The following CALN1 variants were observed in gnomAD, a reference collection of about 807,000 sequenced individuals.
The protein encoded by CALN1 is calneuron 1, also known as calcium-binding protein 8.
CALN1 carries 17 observed loss-of-function variants against 30.6 expected under a neutral mutation model. That is an observed-to-expected ratio of 0.56 (90% CI 0.38 to 0.83). CALN1 has a LOEUF of 0.83. CALN1 is among the 40% of genes least tolerant of loss of function. The pLI, the probability that CALN1 is intolerant of heterozygous loss-of-function variation, is 0.00. For missense variants in CALN1, 291 were observed against 354.9 expected (o/e 0.82, Z 1.45); for synonymous variants, 156 against 131.4 (o/e 1.19, Z -1.28).
intron 4 of CALN1, among the ~76,000 whole-genome samples, chr7:72,073,514 C>T (rs1804537143): frequency 6.6e-6 from 1 of 152,152 alleles, no homozygotes; most frequent in Non-Finnish European, 1.5e-5. Flanking sequence ...CCTACAATTT[C>T]AGACTACAAG....
At chr7:72,053,714 T>C (rs1802988907) in intron 4 of CALN1, among the ~76,000 whole-genome samples, 1 of 152,138 alleles carries the variant, frequency 6.6e-6, no homozygotes, top group Non-Finnish European at 1.5e-5. Context: ...TTTTAGAGAT[T>C]TGTGAGAACA....
At chr7:71,917,443 T>C (rs1319932862) in intron 5 of CALN1, among the ~76,000 whole-genome samples, 1 of 152,176 alleles carries the variant, frequency 6.6e-6, no homozygotes, top group Non-Finnish European at 1.5e-5. Context: ...GCATACGAAA[T>C]GGTAACTATA....
At chr7:72,476,762 C>CCAGG in the CALN1 span, among the ~76,000 whole-genome samples, 4 of 152,198 alleles carry the variant, frequency 2.6e-5, no homozygotes, top group African/African-American at 9.7e-5. Flanking sequence ...CTACCACGTG[C>CCAGG]CAGGCACTGT....
At chr7:72,346,290 CA>C (rs1430749270) in intron 2 of CALN1, among the ~76,000 whole-genome samples, 1 of 152,072 alleles carries the variant, frequency 6.6e-6, no homozygotes, top group Non-Finnish European at 1.5e-5. Context: ...TCCTTTTTCC[CA>C]AAGATAACCA....
Position 71,846,529 on chromosome 7 carries a change from C to T in CALN1, c.502-36037G>A, listed in dbSNP as rs114182688. ...ATAAAAATATGTGTGTGTATGTGTG[C>T]GCGTGCGTGTGTGTGTATAGATAGA... On this transcript the variant is annotated intron_variant, in intron 5 of 6. Coordinates refer to ENST00000395275, the MANE Select transcript of CALN1 (RefSeq NM_031468.4). Among the ~76,000 whole-genome samples, 789 of 151,882 alleles carry T rather than the reference C, an allele frequency of 5.2e-3. 4 individuals carry two copies. The highest frequency in any genetic ancestry group is 0.015 in the African/African-American group (629 of 41,392).
At position 72,212,349 on chromosome 7, in the gene CALN1, C is replaced by CAAA. The variant is rs35123942; in HGVS notation, c.244+66334_244+66336dup. Among the ~76,000 whole-genome samples the CAAA allele has an allele frequency of 5.0e-3, 483 of 96,432 alleles. 14 individuals are homozygous for CAAA. The highest frequency in any genetic ancestry group is 0.022 in the East Asian group (80 of 3,610). 63.3% of individuals were successfully genotyped at this position (96,432 alleles called of 152,430 possible). On this transcript the variant is annotated intron_variant, in intron 3 of 6. Coordinates refer to ENST00000395275, the MANE Select transcript of CALN1 (RefSeq NM_031468.4). ...TGGGCAACAGAGCAACACACCGTCT[C>CAAA]AAAAAAAAAAAAAAAAAATACCAGA... is the stretch of plus-strand genomic sequence containing the variant.
intron 3 of CALN1, among the ~76,000 whole-genome samples, chr7:72,163,207 G>C (rs746960021): frequency 5.9e-5 from 9 of 152,030 alleles, no homozygotes; most frequent in Non-Finnish European, 8.8e-5. Context: ...GTTCATCCTA[G>C]AATCAAGGAC....
chr7:72,126,113 T>C (rs1205821473), intron 3 of CALN1, among the ~76,000 whole-genome samples: 1 of 152,214 alleles, frequency 6.6e-6, no homozygotes, highest in Non-Finnish European at 1.5e-5. Context: ...GTATCATTCT[T>C]ATGCCTCTGC....
chr7:72,360,808 A>C (rs1803527939), intron 2 of CALN1, among the ~76,000 whole-genome samples: 2 of 151,640 alleles, frequency 1.3e-5, no homozygotes. Context: ...AGCTCACTGC[A>C]ACCTCCGCCT....
chr7:72,295,403 G>T (rs1406744002), intron 2 of CALN1, among the ~76,000 whole-genome samples: 1 of 152,082 alleles, frequency 6.6e-6, no homozygotes, highest in Admixed American at 6.6e-5. Context: ...TGTGAAGAAA[G>T]GCATTGGTAG....
At chr7:72,411,574 G>T (rs1048522669) in intron 1 of CALN1, among the ~76,000 whole-genome samples, 1 of 152,146 alleles carries the variant, frequency 6.6e-6, no homozygotes, top group Non-Finnish European at 1.5e-5. Flanking sequence ...CTCAGGCAAT[G>T]AGCACTCAAA....
chr7:72,098,883 C>T (rs1293710052), intron 4 of CALN1, among the ~76,000 whole-genome samples: 1 of 151,680 alleles, frequency 6.6e-6, no homozygotes, highest in African/African-American at 2.4e-5. Context: ...CCATTCTGTC[C>T]CCTGGGAATG....
At chr7:71,927,333 C>T (rs936028369) in intron 5 of CALN1, among the ~76,000 whole-genome samples, 2 of 152,148 alleles carry the variant, frequency 1.3e-5, no homozygotes, top group East Asian at 3.9e-4. Flanking sequence ...CCTCAGCCTC[C>T]TGAGTAGCTG....
chr7:72,269,612 G>A (rs541437229), intron 3 of CALN1, among the ~76,000 whole-genome samples: 2 of 152,282 alleles, frequency 1.3e-5, no homozygotes, highest in East Asian at 3.9e-4. Context: ...TTAAGAGATG[G>A]TCAGTTTCCA....
At chr7:72,493,608 G>A in the CALN1 span, among the ~76,000 whole-genome samples, 3 of 152,050 alleles carry the variant, frequency 2.0e-5, no homozygotes, top group Admixed American at 1.3e-4. Context: ...CAAATTGCTG[G>A]GATTACAGGC....
At chr7:72,395,367 A>ACACG (rs1805859381) in intron 2 of CALN1, among the ~76,000 whole-genome samples, 1 of 151,854 alleles carries the variant, frequency 6.6e-6, no homozygotes, top group South Asian at 2.1e-4. Flanking sequence ...GCGCACACAC[A>ACACG]CACACACACA....
chr7:72,103,348 TGGC>T (rs1454041814), intron 4 of CALN1: 1 of 168,218 alleles, frequency 5.9e-6, no homozygotes, highest in Non-Finnish European at 1.3e-5. Context: ...AGTGAGGTCC[TGGC>T]CAGGTGTGAG....
At chr7:72,177,243 A>G (rs963141390) in intron 3 of CALN1, among the ~76,000 whole-genome samples, 4 of 152,074 alleles carry the variant, frequency 2.6e-5, no homozygotes, top group Admixed American at 1.3e-4. Context: ...TCTTATTGTT[A>G]TTTCAAGTGC....
chr7:72,398,193 G>C (rs1215268595), intron 2 of CALN1, among the ~76,000 whole-genome samples: 2 of 152,180 alleles, frequency 1.3e-5, no homozygotes, highest in Non-Finnish European at 2.9e-5. Flanking sequence ...CAGCGTCCAG[G>C]CAACAAAGGC....
Sources: gnomAD v4.1 joint callset for allele counts (sites outside exome capture counted in the v4.1 genomes callset) on GRCh38, gnomAD v4.1.1 for gene constraint, MANE v1.5 for transcripts, NCBI Gene and HGNC (gene_info 2026-07-23, HGNC 2026-07-21) for gene names.